Variants in MGLL observed in about 807,000 individuals in gnomAD.
The protein encoded by MGLL is lysophospholipase homolog.
In MGLL, 7 loss-of-function variants were observed where a neutral mutation model predicts 29.1. The observed-to-expected ratio is 0.24, with a 90% CI of 0.14 to 0.45. The LOEUF (loss-of-function observed/expected upper bound fraction) is 0.45. Ranked by LOEUF, MGLL falls within the 20% of genes least tolerant of loss-of-function variation. MGLL has a pLI of 0.99. For synonymous variants in MGLL, 148 were observed against 168.3 expected, an observed-to-expected ratio of 0.88 and a Z score of 0.93; for missense variants, 356 against 413.6, an observed-to-expected ratio of 0.86 and a Z score of 1.21.
In MGLL at chr3:127,811,179, C is replaced by T. The variant is rs1327433105; in HGVS notation, c.155+10515G>A. On this transcript the variant is annotated intron_variant, in intron 2 of 7. Transcript: ENST00000265052. ...TGGCAGTAGAGACTTCAGGAATCAT[C>T]CTCTCTCAGTCATCCCACTGTAAAT... 2.0e-5 allele frequency among the ~76,000 whole-genome samples: 3 copies of T among 149,656 alleles called. 1 individual carries two copies. The highest frequency in any genetic ancestry group is 7.7e-5 in the African/African-American group (3 of 38,968).
intron 7 of MGLL, among the ~76,000 whole-genome samples, chr3:127,693,176 C>T (rs1321125990): frequency 6.6e-6 from 1 of 152,180 alleles, no homozygotes; most frequent in Non-Finnish European, 1.5e-5. Flanking sequence ...CCTGGCGTTT[C>T]CGGTCTCATT....
chr3:127,728,553 C>A (rs2076089311), intron 3 of MGLL, among the ~76,000 whole-genome samples: 1 of 152,214 alleles, frequency 6.6e-6, no homozygotes, highest in South Asian at 2.1e-4. Flanking sequence ...CCCAGACCTG[C>A]CTCCATTCTG....
At chr3:127,697,712 G>C (rs2075397955) in intron 6 of MGLL, among the ~76,000 whole-genome samples, 1 of 152,226 alleles carries the variant, frequency 6.6e-6, no homozygotes, top group Admixed American at 6.5e-5. Context: ...CCCACAGAAA[G>C]AGTCAGGGCC....
At chr3:127,702,271 G>GGAGTGGGAACCCT (rs1478416391) in intron 6 of MGLL, among the ~76,000 whole-genome samples, 2 of 152,236 alleles carry the variant, frequency 1.3e-5, no homozygotes, top group Admixed American at 6.5e-5. Context: ...TAGCCTGGCT[G>GGAGTGGGAACCCT]GAGTGGGAAC....
chr3:127,778,203 G>A (rs776506420), intron 3 of MGLL, among the ~76,000 whole-genome samples: 9 of 152,180 alleles, frequency 5.9e-5, no homozygotes, highest in Non-Finnish European at 1.0e-4. Flanking sequence ...CATAGAAACC[G>A]GGCAGTGAAA....
chr3:127,813,057 C>G (rs1050159703), intron 2 of MGLL, among the ~76,000 whole-genome samples: 1 of 152,192 alleles, frequency 6.6e-6, no homozygotes, highest in Non-Finnish European at 1.5e-5. Flanking sequence ...AATCTCTAAT[C>G]CAGTAGACTG....
chr3:127,822,960 GCA>G (rs914928956), upstream of MGLL: 3 of 152,316 alleles, frequency 2.0e-5, no homozygotes, highest in Non-Finnish European at 2.9e-5. Context: ...CACACACCGT[GCA>G]CACACACACA....
chr3:127,761,335 C>T lies in MGLL; in HGVS notation c.262+20454G>A, dbSNP rs766460918. ...CCCCTGCTGCTGTGTCTTGTTAGAG[C>T]CACCGTGTTGTGTTGGGGGTGCTGG... On this transcript the variant is annotated intron_variant, in intron 3 of 7. Coordinates refer to ENST00000265052, the MANE Select transcript of MGLL (RefSeq NM_007283.7). The surrounding 1 kb of genome is among the most constrained non-coding windows in gnomAD (Gnocchi z 4.6). Among the ~76,000 whole-genome samples the T allele has an allele frequency of 6.6e-5, 10 of 152,086 alleles. No individual in the cohort carries two copies. The highest frequency in any genetic ancestry group is 1.2e-4 in the Non-Finnish European group (8 of 67,964).
intron 2 of MGLL, among the ~76,000 whole-genome samples, chr3:127,816,121 C>A (rs1428861808): frequency 6.6e-6 from 1 of 152,164 alleles, no homozygotes; most frequent in African/African-American, 2.4e-5. Flanking sequence ...ATTTAGCTGA[C>A]CCCAGGGAGC....
chr3:127,694,269 GAAA>G (rs61437030), intron 7 of MGLL, among the ~76,000 whole-genome samples: 47 of 67,622 alleles, frequency 7.0e-4, no homozygotes, highest in African/African-American at 2.6e-3. Flanking sequence ...TACTCTGTCT[GAAA>G]AAAAAAAAAA....
intron 3 of MGLL, among the ~76,000 whole-genome samples, chr3:127,771,908 C>T (rs1470441953): frequency 1.3e-5 from 2 of 152,224 alleles, no homozygotes; most frequent in African/African-American, 2.4e-5. Context: ...GCAACAGTCC[C>T]GGCTGTCTTG....
At chr3:127,752,256 C>A (rs2076573262) in intron 3 of MGLL, among the ~76,000 whole-genome samples, 1 of 152,136 alleles carries the variant, frequency 6.6e-6, no homozygotes, top group Admixed American at 6.6e-5. Flanking sequence ...GCCACCACTC[C>A]CAGCTAATTT....
chr3:127,710,690 C>T (rs1386908657), intron 5 of MGLL, 25 bp from the exon 6 acceptor site: 1 of 1,537,950 alleles, frequency 6.5e-7, no homozygotes, highest in South Asian at 1.2e-5. Context: ...AAAACAAGGG[C>T]TGTGAGCACA....
At chr3:127,778,993 G>T (rs1391269319) in intron 3 of MGLL, among the ~76,000 whole-genome samples, 1 of 152,122 alleles carries the variant, frequency 6.6e-6, no homozygotes, top group East Asian at 1.9e-4. Context: ...GGCCTCAAGC[G>T]ATCCTCCCAC....
At chr3:127,700,918 T>C (rs996530084) in intron 6 of MGLL, among the ~76,000 whole-genome samples, 1 of 151,700 alleles carries the variant, frequency 6.6e-6, no homozygotes, top group Admixed American at 6.6e-5. Context: ...TAAACGCAAA[T>C]AAGAATGTAC....
At chr3:127,701,790 C>G (rs139892692) in intron 6 of MGLL, among the ~76,000 whole-genome samples, 4 of 152,320 alleles carry the variant, frequency 2.6e-5, no homozygotes, top group Admixed American at 2.0e-4. Context: ...GCACTACAGA[C>G]TGGCCCCGAT....
At position 127,785,097 on chromosome 3, in the gene MGLL, G is replaced by A. The variant is rs375480391; in HGVS notation, c.156-3202C>T. On this transcript the variant is annotated intron_variant, in intron 2 of 7. Transcript: ENST00000265052. ...TGCAGTGCCCAGGGTGGAGCCTCCTGGAAGCCCGCCTGTGCTGTGCTTACT... is the reference window on the plus strand; with the variant it reads ...TGCAGTGCCCAGGGTGGAGCCTCCTAGAAGCCCGCCTGTGCTGTGCTTACT... Among the ~76,000 whole-genome samples the A allele has an allele frequency of 1.6e-3, 238 of 152,234 alleles. 5 individuals carry two copies. The Middle Eastern group carries it at 0.048, about 30-fold the overall frequency.
intron 3 of MGLL, among the ~76,000 whole-genome samples, chr3:127,728,459 A>G (rs10934819): frequency 1.3e-5 from 2 of 152,120 alleles, no homozygotes; most frequent in Admixed American, 6.5e-5. Context: ...TACTCTAGAA[A>G]CAGTCTTGTC....
At chr3:127,768,847 C>T (rs1200558421) in intron 3 of MGLL, among the ~76,000 whole-genome samples, 1 of 152,226 alleles carries the variant, frequency 6.6e-6, no homozygotes, top group Non-Finnish European at 1.5e-5. Context: ...TGCCTAAGGG[C>T]TTGCTAAACA....
Sources: gnomAD v4.1 joint callset for allele counts (sites outside exome capture counted in the v4.1 genomes callset) on GRCh38, gnomAD v4.1.1 for gene constraint, Gnocchi (gnomAD v3.1) non-coding constraint, MANE v1.5 for transcripts, NCBI Gene and HGNC (gene_info 2026-07-23, HGNC 2026-07-21) for gene names.